The following CDC42BPB variants were observed in gnomAD, a reference collection of about 807,000 sequenced individuals.
The protein encoded by CDC42BPB is serine/threonine-protein kinase MRCK beta.
Under a neutral mutation model 214.9 loss-of-function variants are expected in CDC42BPB, and 37 were observed. The ratio of observed to expected loss-of-function variants is 0.17; its 90% CI spans 0.13 to 0.23. CDC42BPB has a LOEUF of 0.23. Ranked by LOEUF, CDC42BPB falls within the 10% of genes least tolerant of loss-of-function variation. The pLI is 1.00. For missense variants in CDC42BPB, 1,694 were observed against 2,227.0 expected (o/e 0.76, Z 4.82); for synonymous variants, 931 against 884.0 (o/e 1.05, Z -0.94).
At chr14:102,983,428 C>T (rs182269949) in intron 7 of CDC42BPB, 128 bp downstream of exon 7, 317 of 1,436,698 alleles carry the variant, frequency 2.2e-4, no homozygotes, top group Non-Finnish European at 2.8e-4. Flanking sequence ...CCAGTTTGGT[C>T]CAAACCCCGT....
At chr14:102,981,904 T>TGCGC (rs1566879233) in intron 7 of CDC42BPB, among the ~76,000 whole-genome samples, 1 of 152,150 alleles carries the variant, frequency 6.6e-6, no homozygotes, top group Non-Finnish European at 1.5e-5. Flanking sequence ...AACACACACA[T>TGCGC]GCGCACGCAC....
intron 1 of CDC42BPB, among the ~76,000 whole-genome samples, chr14:103,023,438 A>G (rs1315776928): frequency 2.0e-5 from 3 of 152,054 alleles, no homozygotes; most frequent in African/African-American, 4.8e-5. Context: ...AAGTGCTGGG[A>G]TTACAGGGAT....
At chr14:103,020,555 G>A (rs1381533585) in intron 1 of CDC42BPB, among the ~76,000 whole-genome samples, 2 of 152,222 alleles carry the variant, frequency 1.3e-5, no homozygotes, top group African/African-American at 2.4e-5. Flanking sequence ...CGAGGGCCCA[G>A]GCACACTGAC....
At chr14:103,043,822 A>T (rs1345333542) in intron 1 of CDC42BPB, among the ~76,000 whole-genome samples, 1 of 152,120 alleles carries the variant, frequency 6.6e-6, no homozygotes, top group African/African-American at 2.4e-5. Flanking sequence ...AACTCCTCCT[A>T]ACATATTATG....
At chr14:102,938,268 C>T (rs1417859625) in intron 35 of CDC42BPB, 38 bp downstream of exon 35, 2 of 1,600,852 alleles carry the variant, frequency 1.2e-6, no homozygotes, top group Admixed American at 3.4e-5. Flanking sequence ...CTACCCCCCA[C>T]CTCCCCCAGG....
Position 102,944,239 on chromosome 14 carries a change from A to G in CDC42BPB, c.4060T>C (p.Cys1354Arg). 2 of 1,613,268 alleles carry G rather than the reference A, an allele frequency of 1.2e-6. No individual in the cohort carries two copies. Among genetic ancestry groups the G allele is most frequent in the Non-Finnish European group, 1.7e-6 (2 of 1,180,030 alleles). The change falls in exon 30 of 37, where the codon TGC becomes CGC. Residue 1354 changes from cysteine to arginine, a missense_variant. Physicochemically the swap from Cys to Arg is radical, Grantham distance 180. This residue lies in a region of CDC42BPB where 567 missense variants were observed against 790.3 expected (regional missense o/e 0.72). Transcript: ENST00000361246. The surrounding 1 kb of genome is among the most constrained non-coding windows in gnomAD (Gnocchi z 6.6). ...GGCTTCGTTCTCTGGATCTCATAGCAAAGGATCAGCCGTTTCACGGCCACA... is the reference window on the plus strand; with the variant it reads ...GGCTTCGTTCTCTGGATCTCATAGCGAAGGATCAGCCGTTTCACGGCCACA... Reference protein sequence around the residue: ...LFVAVKRLILCYEIQRTKPFH... With the variant: ...LFVAVKRLILRYEIQRTKPFH...
intron 27 of CDC42BPB, 56 bp downstream of exon 27, chr14:102,947,665 A>G (rs1217430389): frequency 6.9e-7 from 1 of 1,441,384 alleles, no homozygotes; most frequent in Non-Finnish European, 9.8e-7. Flanking sequence ...TGACATGCCT[A>G]GAACAATCAG....
At chr14:102,947,889 A>C in intron 26 of CDC42BPB, 87 bp from the exon 27 acceptor site, 2 of 1,598,096 alleles carry the variant, frequency 1.3e-6, no homozygotes, top group South Asian at 2.2e-5. Context: ...CTGCCCTGCC[A>C]TGTCCTTCCA....
At chr14:102,941,635 A>C (rs1298247950) in intron 30 of CDC42BPB, 3 of 849,326 alleles carry the variant, frequency 3.5e-6, no homozygotes, top group Non-Finnish European at 4.3e-6. Flanking sequence ...GAAGAAGTCT[A>C]GTTTGCTGAC....
intron 7 of CDC42BPB, among the ~76,000 whole-genome samples, chr14:102,981,716 G>T (rs1037183555): frequency 1.3e-5 from 2 of 152,182 alleles, no homozygotes; most frequent in African/African-American, 4.8e-5. Flanking sequence ...GGTGCAAGTT[G>T]CAGTGAGCCA....
intron 1 of CDC42BPB, chr14:103,041,472 G>A: frequency 8.0e-7 from 1 of 1,255,606 alleles, no homozygotes; most frequent in Non-Finnish European, 1.1e-6. Context: ...GGCAGCCATG[G>A]CGCCCAGCCA....
At chr14:102,972,203 A>G in intron 12 of CDC42BPB, 42 bp from the exon 13 acceptor site, 1 of 1,598,522 alleles carries the variant, frequency 6.3e-7, no homozygotes, top group Non-Finnish European at 8.5e-7. Flanking sequence ...TTGCCTAACA[A>G]AGGCTTGGAA....
chr14:103,020,747 G>C (rs1478288424), intron 1 of CDC42BPB, among the ~76,000 whole-genome samples: 1 of 152,214 alleles, frequency 6.6e-6, no homozygotes, highest in Non-Finnish European at 1.5e-5. Context: ...CGCCTTCACA[G>C]GACCACCCTG....
chr14:103,020,164 C>A (rs1307699245), intron 1 of CDC42BPB, among the ~76,000 whole-genome samples: 2 of 152,264 alleles, frequency 1.3e-5, no homozygotes, highest in Admixed American at 1.3e-4. Context: ...TGGGCCTCAG[C>A]TGCTTTGTGG....
chr14:102,954,210 C>T lies in CDC42BPB; in HGVS notation c.3054G>A (p.Leu1018=). The T allele has an allele frequency of 6.5e-7, 1 of 1,549,696 alleles. No individual in the cohort carries two copies. Among genetic ancestry groups the T allele is most frequent in the Non-Finnish European group, 8.7e-7 (1 of 1,146,518 alleles). The change falls in exon 23 of 37, where the codon CTG becomes CTA. Residue 1018 remains leucine, a synonymous_variant. Coordinates refer to ENST00000361246, the MANE Select transcript of CDC42BPB (RefSeq NM_006035.4). The stretch of plus-strand genomic sequence containing the variant: ...GCAAGGCCCCTACCTTCGGTCCAGC[C>T]AGAGCCAGGGCCTGCGTGGTGGGCA... ...VPLPTTQALA[L]AGPKPKAHQF...
At chr14:102,971,778 T>C in intron 13 of CDC42BPB, 141 bp downstream of exon 13, 1 of 782,056 alleles carries the variant, frequency 1.3e-6, no homozygotes, top group Admixed American at 2.4e-5. Flanking sequence ...ACAAAATAAA[T>C]GCTCGGCCGA....
chr14:103,040,308 T>C (rs759800007), intron 1 of CDC42BPB, among the ~76,000 whole-genome samples: 14 of 151,472 alleles, frequency 9.2e-5, no homozygotes, highest in East Asian at 2.0e-4. Flanking sequence ...TGAGCCAAGA[T>C]TGTGCCACTG....
At chr14:103,009,302 G>T (rs977017014) in intron 2 of CDC42BPB, among the ~76,000 whole-genome samples, 3 of 152,220 alleles carry the variant, frequency 2.0e-5, no homozygotes, top group African/African-American at 7.2e-5. Context: ...GTCACTGTGA[G>T]AGCTGCCATT....
chr14:102,988,040 G>T (rs1277081987), intron 5 of CDC42BPB, among the ~76,000 whole-genome samples: 1 of 151,986 alleles, frequency 6.6e-6, no homozygotes, highest in African/African-American at 2.4e-5. Flanking sequence ...ATGCAGAAAA[G>T]AAGAGCTGAT....
Sources: allele counts gnomAD v4.1 joint callset (sites outside exome capture counted in the v4.1 genomes callset), GRCh38; gene constraint gnomAD v4.1.1; regional missense constraint gnomAD v4.1.1; non-coding constraint Gnocchi (gnomAD v3.1); transcripts MANE v1.5; gene names NCBI Gene and HGNC (gene_info 2026-07-23, HGNC 2026-07-21).